The following PRR11 variants were observed in gnomAD, a reference collection of about 807,000 sequenced individuals.
PRR11 encodes proline-rich protein 11.
PRR11 carries 30 observed loss-of-function variants against 45.6 expected under a neutral mutation model. The observed-to-expected ratio is 0.66, with a 90% CI of 0.49 to 0.89. The LOEUF is 0.89. PRR11 is among the 40% of genes least tolerant of loss of function. The pLI is 0.00. For synonymous variants in PRR11, 128 were observed against 153.5 expected (o/e 0.83, Z 1.23); for missense variants, 373 against 424.8 (o/e 0.88, Z 1.07).
At chr17:59,194,222 A>G (rs2046853601) in intron 5 of PRR11, among the ~76,000 whole-genome samples, 1 of 149,266 alleles carries the variant, frequency 6.7e-6, no homozygotes, top group Non-Finnish European at 1.5e-5. Flanking sequence ...ACTATGGATA[A>G]TTTGGTTTAA....
At chr17:59,195,522 A>C in intron 7 of PRR11, 79 bp downstream of exon 7, 3 of 937,406 alleles carry the variant, frequency 3.2e-6, no homozygotes, top group Non-Finnish European at 4.8e-6. Context: ...AGAAAAGGAA[A>C]AAAAGATTTT....
chr17:59,199,206 C>T (rs565285279), intron 9 of PRR11, among the ~76,000 whole-genome samples: 13 of 152,080 alleles, frequency 8.5e-5, no homozygotes, highest in Non-Finnish European at 1.3e-4. Context: ...AGGTGAGAGT[C>T]GAAGAAGGAA....
intron 2 of PRR11, chr17:59,174,900 C>A: frequency 8.8e-7 from 1 of 1,133,260 alleles, no homozygotes; most frequent in Non-Finnish European, 1.3e-6. Flanking sequence ...CTCCCCTTGT[C>A]CAGCCTCCAG....
At chr17:59,190,017 A>ATG (rs1012715788) in intron 4 of PRR11, among the ~76,000 whole-genome samples, 8 of 152,218 alleles carry the variant, frequency 5.3e-5, no homozygotes, top group East Asian at 3.9e-4. Context: ...TCTAGAATGA[A>ATG]TGTGTGTGTG....
At chr17:59,174,556 G>T (rs960358056) in intron 2 of PRR11, among the ~76,000 whole-genome samples, 5 of 152,184 alleles carry the variant, frequency 3.3e-5, no homozygotes, top group Non-Finnish European at 5.9e-5. Context: ...GCTCCCTGCA[G>T]CCCCAACCTC....
intron 1 of PRR11, among the ~76,000 whole-genome samples, chr17:59,167,126 T>A (rs2046684001): frequency 6.6e-6 from 1 of 152,194 alleles, no homozygotes; most frequent in Non-Finnish European, 1.5e-5. Context: ...ATCGCGCCAC[T>A]GCACTCCAGC....
chr17:59,201,865 G>T lies in PRR11; in HGVS notation c.*234G>T. The stretch of plus-strand genomic sequence containing the variant: ...GGGTGCCTGTAATCCCAGCTATGCG[G>T]GAGGCTAAGGCAGGAGAATTGCTTG... On this transcript the variant is annotated 3_prime_UTR_variant, in exon 10 of 10. Transcript: ENST00000262293. 1 of 452,590 alleles carries T rather than the reference G, an allele frequency of 2.2e-6. No homozygotes were observed. Among genetic ancestry groups the T allele is most frequent in the East Asian group, 4.0e-5 (1 of 25,118 alleles). The allele number at this position is 452,590 out of a possible 1,614,324, so 28.0% of individuals were successfully genotyped here.
At chr17:59,182,235 C>T (rs1373860575) in intron 2 of PRR11, among the ~76,000 whole-genome samples, 1 of 151,664 alleles carries the variant, frequency 6.6e-6, no homozygotes, top group African/African-American at 2.4e-5. Flanking sequence ...ACCATGTTGA[C>T]CAGGCTGGTC....
chr17:59,194,923 C>G, intron 6 of PRR11, 68 bp downstream of exon 6: 1 of 1,351,860 alleles, frequency 7.4e-7, no homozygotes, highest in Non-Finnish European at 1.0e-6. Context: ...CCTATAATCC[C>G]AGCACTTTGG....
At position 59,181,686 on chromosome 17, in the gene PRR11, C is replaced by G. The variant is rs2046787481; in HGVS notation, c.129-3368C>G. On this transcript the variant is annotated intron_variant, in intron 2 of 9. Coordinates refer to ENST00000262293, the MANE Select transcript of PRR11 (RefSeq NM_018304.4). ...CCGATGACTCCTCAGATTGGTCCGA[C>G]CACTCCCTCTTCCTTTTCCAGCAAA... 2.6e-6 allele frequency: 4 copies of G among 1,549,476 alleles called. No individual in the cohort carries two copies. In the African/African-American group the frequency reaches 5.5e-5, roughly 21 times the overall value.
chr17:59,166,253 T>A (rs960708595), intron 1 of PRR11, among the ~76,000 whole-genome samples: 1 of 152,188 alleles, frequency 6.6e-6, no homozygotes, highest in Admixed American at 6.6e-5. Flanking sequence ...TAAAGGCCAA[T>A]TGTTCCCATT....
chr17:59,193,111 A>G lies in PRR11; in HGVS notation c.403-381A>G, dbSNP rs566889244. Among the ~76,000 whole-genome samples the G allele has an allele frequency of 2.0e-5, 3 of 152,214 alleles. No homozygotes were observed. The East Asian group carries it at 5.8e-4, about 29-fold the overall frequency. On this transcript the variant is annotated intron_variant, in intron 4 of 9. Coordinates refer to ENST00000262293, the MANE Select transcript of PRR11 (RefSeq NM_018304.4). ...TGTTTGTTTGAGATGAGATCTCACT[A>G]TGTTGTCCAGGCTGGTCTCGAACTC...
chr17:59,186,363 T>A (rs1216540930), intron 4 of PRR11, among the ~76,000 whole-genome samples: 5 of 150,678 alleles, frequency 3.3e-5, no homozygotes, highest in Non-Finnish European at 5.9e-5. Context: ...CTGAAAAAAA[T>A]TTTGCCAGCT....
chr17:59,172,513 G>A (rs1028271352), intron 2 of PRR11, among the ~76,000 whole-genome samples: 2 of 152,246 alleles, frequency 1.3e-5, no homozygotes, highest in Non-Finnish European at 2.9e-5. Flanking sequence ...AGCTTGCGGG[G>A]AGGTGTCAAG....
chr17:59,174,425 C>A (rs1450557850), intron 2 of PRR11, among the ~76,000 whole-genome samples: 1 of 152,190 alleles, frequency 6.6e-6, no homozygotes, highest in Non-Finnish European at 1.5e-5. Flanking sequence ...GAACCCTCGA[C>A]CCAAATCGGT....
chr17:59,195,495 G>T, intron 7 of PRR11, 52 bp downstream of exon 7: 3 of 1,215,956 alleles, frequency 2.5e-6, no homozygotes, highest in Non-Finnish European at 2.4e-6. Context: ...GAATGATATT[G>T]TTGTACAAAG....
chr17:59,188,631 A>G (rs562110017), intron 4 of PRR11, among the ~76,000 whole-genome samples: 265 of 152,202 alleles, frequency 1.7e-3, no homozygotes, highest in South Asian at 3.9e-3. Context: ...CTCCCCCAGG[A>G]AAACTTTTTT....
At chr17:59,172,642 G>C (rs2046716132) in intron 2 of PRR11, among the ~76,000 whole-genome samples, 1 of 152,242 alleles carries the variant, frequency 6.6e-6, no homozygotes, top group African/African-American at 2.4e-5. Context: ...GGCCAGCCCG[G>C]GCAGTGAGGG....
At chr17:59,194,488 A>C (rs1002039956) in intron 5 of PRR11, among the ~76,000 whole-genome samples, 1 of 152,178 alleles carries the variant, frequency 6.6e-6, no homozygotes, top group African/African-American at 2.4e-5. Context: ...GCAATATTGC[A>C]GGAAACTAGT....
Sources: allele counts gnomAD v4.1 joint callset (sites outside exome capture counted in the v4.1 genomes callset), GRCh38; gene constraint gnomAD v4.1.1; transcripts MANE v1.5; gene names NCBI Gene and HGNC (gene_info 2026-07-23, HGNC 2026-07-21).